Variants in GALNT7 observed in about 807,000 individuals in gnomAD.
GALNT7 encodes polypeptide N-acetylgalactosaminyltransferase 7.
Under a neutral mutation model 82.1 loss-of-function variants are expected in GALNT7, and 60 were observed. That is an observed-to-expected ratio of 0.73 (90% CI 0.59 to 0.91). The LOEUF is 0.91. GALNT7 is among the 40% of genes least tolerant of loss of function. GALNT7 has a pLI of 0.00. For missense variants in GALNT7, 660 were observed against 804.2 expected (o/e 0.82, Z 2.17); for synonymous variants, 243 against 275.1 (o/e 0.88, Z 1.15).
At chr4:173,270,136 T>A (rs1325977820) in intron 2 of GALNT7, among the ~76,000 whole-genome samples, 1 of 152,220 alleles carries the variant, frequency 6.6e-6, no homozygotes, top group Non-Finnish European at 1.5e-5. Flanking sequence ...ATTGGCAATA[T>A]GTGAAGATAT....
At chr4:173,217,994 A>T (rs1733523533) in intron 1 of GALNT7, among the ~76,000 whole-genome samples, 1 of 152,232 alleles carries the variant, frequency 6.6e-6, no homozygotes, top group South Asian at 2.1e-4. Flanking sequence ...GAGTTCTCTG[A>T]TTAAACTTCA....
intron 1 of GALNT7, among the ~76,000 whole-genome samples, chr4:173,178,052 T>TGTGTGTGTGTGTGTGCGCGCGCGC: frequency 7.7e-6 from 1 of 129,520 alleles, no homozygotes; most frequent in African/African-American, 3.1e-5. Context: ...TGTGTGTGTG[T>TGTGTGTGTGTGTGTGCGCGCGCGC]GCGCGCACGC....
intron 2 of GALNT7, among the ~76,000 whole-genome samples, chr4:173,255,671 G>GT (rs1252334942): frequency 2.0e-5 from 3 of 152,246 alleles, no homozygotes; most frequent in East Asian, 3.9e-4. Flanking sequence ...ATTAAGGGAT[G>GT]TTTTTTGTAC....
intron 1 of GALNT7, among the ~76,000 whole-genome samples, chr4:173,174,716 A>G (rs1054914767): frequency 2.0e-5 from 3 of 152,056 alleles, no homozygotes; most frequent in Admixed American, 6.5e-5. Flanking sequence ...GGGGAGAGCT[A>G]TTGCTTAATC....
At chr4:173,291,966 C>A in intron 2 of GALNT7, 142 bp from the exon 3 acceptor site, 1 of 561,388 alleles carries the variant, frequency 1.8e-6, no homozygotes, top group Non-Finnish European at 3.1e-6. Context: ...TCTTGCATTT[C>A]TGTTAAATTT....
At chr4:173,183,082 ACACACACACT>A (rs1217753109) in intron 1 of GALNT7, among the ~76,000 whole-genome samples, 1 of 147,264 alleles carries the variant, frequency 6.8e-6, no homozygotes, top group Non-Finnish European at 1.5e-5. Flanking sequence ...ACACACACAC[ACACACACACT>A]GCTTTTTCTC....
intron 2 of GALNT7, among the ~76,000 whole-genome samples, chr4:173,281,677 T>C (rs1019432095): frequency 6.6e-6 from 1 of 152,188 alleles, no homozygotes; most frequent in African/African-American, 2.4e-5. Context: ...AACCACCTTC[T>C]ATTGGATAGT....
chr4:173,216,182 G>C (rs1733451298), intron 1 of GALNT7, among the ~76,000 whole-genome samples: 1 of 152,132 alleles, frequency 6.6e-6, no homozygotes, highest in East Asian at 1.9e-4. Flanking sequence ...GATTCTATAT[G>C]ATATTTGAAT....
intron 8 of GALNT7, among the ~76,000 whole-genome samples, chr4:173,311,121 C>T (rs1003979090): frequency 6.6e-6 from 1 of 152,234 alleles, no homozygotes; most frequent in Admixed American, 6.5e-5. Context: ...ATTTGTCATA[C>T]TGCATTTGCT....
chr4:173,265,449 G>T (rs773404930), intron 2 of GALNT7, among the ~76,000 whole-genome samples: 38 of 151,988 alleles, frequency 2.5e-4, no homozygotes, highest in Non-Finnish European at 8.8e-5. Flanking sequence ...TTATCATCCC[G>T]TATATTTCCT....
intron 9 of GALNT7, chr4:173,317,380 TTTC>T (rs1218148917): frequency 6.2e-5 from 18 of 290,140 alleles, no homozygotes; most frequent in Non-Finnish European, 1.1e-4. Context: ...TAACTTTTTT[TTTC>T]TCTGTGGTAT....
chr4:173,312,216 T>C (rs1326073783), intron 8 of GALNT7, among the ~76,000 whole-genome samples: 1 of 152,250 alleles, frequency 6.6e-6, no homozygotes, highest in Non-Finnish European at 1.5e-5. Flanking sequence ...TCATTTAGTG[T>C]TGCTACAACA....
chr4:173,230,814 G>T lies in GALNT7; in HGVS notation c.127-17166G>T, dbSNP rs575292123. On this transcript the variant is annotated intron_variant, in intron 1 of 11. Transcript: ENST00000265000. ...TCTGGTCTTATATATAATATAGTTAGCATGTCCTGGGAAATATAGTAAATT... is the reference window on the plus strand; with the variant it reads ...TCTGGTCTTATATATAATATAGTTATCATGTCCTGGGAAATATAGTAAATT... Among the ~76,000 whole-genome samples, 6 of 152,236 alleles carry T rather than the reference G, an allele frequency of 3.9e-5. No homozygotes were observed. The South Asian group carries it at 8.3e-4, about 21-fold the overall frequency.
intron 8 of GALNT7, among the ~76,000 whole-genome samples, chr4:173,305,569 G>C (rs1447145321): frequency 6.6e-6 from 1 of 152,070 alleles, no homozygotes; most frequent in South Asian, 2.1e-4. Context: ...TCCATTTTGA[G>C]TTGATTTTTA....
chr4:173,290,935 A>G (rs1398413906), intron 2 of GALNT7, among the ~76,000 whole-genome samples: 4 of 152,122 alleles, frequency 2.6e-5, no homozygotes, highest in South Asian at 2.1e-4. Flanking sequence ...AGGACAGCAA[A>G]GGTGCCCCTC....
rs547303726 is a variant in GALNT7 at position 173,274,034 on chromosome 4, T to C, written c.588-18074T>C. 2.0e-5 allele frequency among the ~76,000 whole-genome samples: 3 copies of C among 152,320 alleles called. No individual in the cohort carries two copies. In the East Asian group the frequency reaches 5.8e-4, roughly 29 times the overall value. ...ACAGAATATGGCATGTAAGCTCATA[T>C]TTGAAATGAGAGTCCAATATAGCTA... On this transcript the variant is annotated intron_variant, in intron 2 of 11. Coordinates refer to ENST00000265000, the MANE Select transcript of GALNT7 (RefSeq NM_017423.3).
intron 2 of GALNT7, chr4:173,268,107 G>GACC (rs1735570717): frequency 1.3e-5 from 2 of 154,946 alleles, no homozygotes; most frequent in African/African-American, 4.8e-5. Context: ...TTGCTTGTAA[G>GACC]TGCTGGGTGA....
intron 1 of GALNT7, among the ~76,000 whole-genome samples, chr4:173,207,252 G>T (rs1179537154): frequency 2.0e-5 from 3 of 152,146 alleles, no homozygotes; most frequent in Non-Finnish European, 4.4e-5. Flanking sequence ...TGCTACCCAA[G>T]AATGCCCCTT....
intron 1 of GALNT7, among the ~76,000 whole-genome samples, chr4:173,182,650 G>A (rs549308971): frequency 6.8e-6 from 1 of 147,998 alleles, no homozygotes; most frequent in Admixed American, 6.8e-5. Context: ...AGGCAAGCAG[G>A]TTACTCATAA....
Sources: allele counts gnomAD v4.1 joint callset (sites outside exome capture counted in the v4.1 genomes callset), GRCh38; gene constraint gnomAD v4.1.1; transcripts MANE v1.5; gene names NCBI Gene and HGNC (gene_info 2026-07-23, HGNC 2026-07-21).